LRRC3B: variants seen among roughly 807,000 people sequenced by gnomAD.
LRRC3B encodes the protein leucine-rich repeat-containing protein 3B.
LRRC3B carries 2 observed loss-of-function variants against 12.8 expected under a neutral mutation model. The observed-to-expected ratio is 0.16, with a 90% CI of 0.06 to 0.49. The LOEUF is 0.49. Ranked by LOEUF, LRRC3B falls within the 20% of genes least tolerant of loss-of-function variation. The pLI is 0.96. For synonymous variants in LRRC3B, 132 were observed against 122.0 expected, an observed-to-expected ratio of 1.08 and a Z score of -0.54; for missense variants, 189 against 319.4, an observed-to-expected ratio of 0.59 and a Z score of 3.11.
At chr3:26,709,930 C>A (rs1288592459) in exon 2 of LRRC3B, 1 of 1,614,090 alleles carries the variant, frequency 6.2e-7, no homozygotes, top group East Asian at 2.2e-5. Flanking sequence ...TTTTTAAGGA[C>A]CTCCATCAAC....
rs960727487 is a variant in LRRC3B, at chr3:26,641,613, C to T, written c.-161+18376C>T. Among the ~76,000 whole-genome samples the T allele has an allele frequency of 1.8e-4, 28 of 152,132 alleles. 1 individual carries two copies. Among genetic ancestry groups the T allele is most frequent in the Admixed American group, 9.8e-4 (15 of 15,276 alleles). ...GAAGTGGCAGGATGGAACGTGGGCACGTTGGGGCAGGAGACTGGGGTGGTA... is the reference window on the plus strand; with the variant it reads ...GAAGTGGCAGGATGGAACGTGGGCATGTTGGGGCAGGAGACTGGGGTGGTA... On this transcript the variant is annotated intron_variant, in intron 1 of 1. Transcript: ENST00000396641.
intron 1 of LRRC3B, among the ~76,000 whole-genome samples, chr3:26,692,614 C>T (rs1700214472): frequency 6.6e-6 from 1 of 152,122 alleles, no homozygotes; most frequent in Admixed American, 6.5e-5. Flanking sequence ...TTCTATTATA[C>T]TTTTATTAAA....
chr3:26,653,219 G>T (rs1275493067), intron 1 of LRRC3B, among the ~76,000 whole-genome samples: 1 of 152,010 alleles, frequency 6.6e-6, no homozygotes, highest in South Asian at 2.1e-4. Flanking sequence ...AGAGGAAAAT[G>T]AGGGAAAAAA....
At chr3:26,704,196 G>GTGAT (rs1288629993) in intron 1 of LRRC3B, among the ~76,000 whole-genome samples, 3 of 151,902 alleles carry the variant, frequency 2.0e-5, no homozygotes, top group African/African-American at 7.3e-5. Flanking sequence ...CTACACAAAT[G>GTGAT]TGATTATATT....
intron 1 of LRRC3B, among the ~76,000 whole-genome samples, chr3:26,639,213 T>A (rs924596399): frequency 6.6e-6 from 1 of 152,170 alleles, no homozygotes; most frequent in Non-Finnish European, 1.5e-5. Context: ...TATAGTTAAT[T>A]TCAGTAATAT....
chr3:26,691,242 A>C (rs1204249775), intron 1 of LRRC3B, among the ~76,000 whole-genome samples: 1 of 151,456 alleles, frequency 6.6e-6, no homozygotes, highest in Non-Finnish European at 1.5e-5. Flanking sequence ...AAGAGAATGA[A>C]GAATCTAAAT....
intron 1 of LRRC3B, among the ~76,000 whole-genome samples, chr3:26,633,059 CA>C (rs1197885358): frequency 1.3e-5 from 2 of 152,156 alleles, no homozygotes; most frequent in African/African-American, 4.8e-5. Context: ...CCTGCCCCAC[CA>C]AAAGACTTGA....
At chr3:26,647,318 G>C (rs1030363832) in intron 1 of LRRC3B, among the ~76,000 whole-genome samples, 4 of 152,042 alleles carry the variant, frequency 2.6e-5, no homozygotes, top group African/African-American at 7.2e-5. Flanking sequence ...CATATTGTCA[G>C]CCTCTCTCTC....
intron 1 of LRRC3B, among the ~76,000 whole-genome samples, chr3:26,690,638 A>G (rs1341469597): frequency 6.6e-6 from 1 of 152,148 alleles, no homozygotes; most frequent in African/African-American, 2.4e-5. Context: ...ACTGCACAGT[A>G]TAGAAAAGAT....
intron 1 of LRRC3B, among the ~76,000 whole-genome samples, chr3:26,691,261 A>T (rs555606608): frequency 9.2e-5 from 14 of 151,828 alleles, no homozygotes; most frequent in African/African-American, 3.1e-4. Flanking sequence ...ATCTGAAATC[A>T]AGGACAAATT....
chr3:26,656,746 G>T (rs2125419325), intron 1 of LRRC3B, among the ~76,000 whole-genome samples: 1 of 152,318 alleles, frequency 6.6e-6, no homozygotes, highest in Middle Eastern at 3.4e-3. Flanking sequence ...AGAGTCACTT[G>T]ACAAGTTGCT....
At chr3:26,685,615 GTATA>G (rs768001958) in intron 1 of LRRC3B, among the ~76,000 whole-genome samples, 17 of 120,468 alleles carry the variant, frequency 1.4e-4, no homozygotes, top group South Asian at 1.1e-3. Flanking sequence ...ATGTGTGTGT[GTATA>G]TATATATATA....
intron 1 of LRRC3B, among the ~76,000 whole-genome samples, chr3:26,685,943 T>C (rs1700079202): frequency 1.3e-5 from 2 of 152,130 alleles, no homozygotes; most frequent in South Asian, 4.1e-4. Flanking sequence ...CTATTGGCAG[T>C]AGCTACCTCA....
At chr3:26,694,604 G>A (rs541287092) in intron 1 of LRRC3B, 5 of 152,298 alleles carry the variant, frequency 3.3e-5, no homozygotes, top group African/African-American at 1.2e-4. Flanking sequence ...CTTAGTTCTA[G>A]TTGAGGAAAC....
rs373246097 is a variant in LRRC3B at position 26,679,816 on chromosome 3, TG to T, written c.-160-29696del. 9.0e-3 allele frequency among the ~76,000 whole-genome samples: 1,377 copies of T among 152,236 alleles called. 6 individuals carry two copies. The highest frequency in any genetic ancestry group is 0.014 in the Non-Finnish European group (932 of 68,004). On this transcript the variant is annotated intron_variant, in intron 1 of 1. Transcript: ENST00000396641. ...TCAACATCAAGAACAGTCCCTGGCATGTAGGAGGCTCATAAGAAACTATCTG... is the reference window on the plus strand; with the variant it reads ...TCAACATCAAGAACAGTCCCTGGCATTAGGAGGCTCATAAGAAACTATCTG...
At chr3:26,660,866 G>C (rs1699478679) in intron 1 of LRRC3B, among the ~76,000 whole-genome samples, 1 of 152,086 alleles carries the variant, frequency 6.6e-6, no homozygotes, top group African/African-American at 2.4e-5. Context: ...TTTTACAATG[G>C]AGATAATAAG....
chr3:26,646,219 C>T (rs749234043), intron 1 of LRRC3B, among the ~76,000 whole-genome samples: 23 of 152,180 alleles, frequency 1.5e-4, no homozygotes, highest in Non-Finnish European at 3.4e-4. Context: ...CTGAATAATA[C>T]AGCAGGAAGC....
chr3:26,650,837 A>G (rs1197749396), intron 1 of LRRC3B, among the ~76,000 whole-genome samples: 1 of 152,340 alleles, frequency 6.6e-6, no homozygotes, highest in South Asian at 2.1e-4. Flanking sequence ...CGGTAAGTGC[A>G]TAACAGTTCC....
intron 1 of LRRC3B, among the ~76,000 whole-genome samples, chr3:26,699,757 G>T (rs373256526): frequency 2.6e-5 from 4 of 152,266 alleles, no homozygotes; most frequent in African/African-American, 9.6e-5. Context: ...CGTTGTAAAT[G>T]TCATAAGCAT....
Sources: allele counts gnomAD v4.1 joint callset (sites outside exome capture counted in the v4.1 genomes callset), GRCh38; gene constraint gnomAD v4.1.1; transcripts MANE v1.5; gene names NCBI Gene and HGNC (gene_info 2026-07-23, HGNC 2026-07-21).